The following OSBP2 variants were observed in gnomAD, a reference collection of about 807,000 sequenced individuals.
OSBP2 encodes the protein oxysterol-binding protein 2.
Under a neutral mutation model 96.0 loss-of-function variants are expected in OSBP2, and 66 were observed. The ratio of observed to expected loss-of-function variants is 0.69; its 90% confidence interval spans 0.56 to 0.84. The LOEUF is 0.84. Ranked by LOEUF, OSBP2 falls within the 40% of genes least tolerant of loss-of-function variation. The pLI is 0.00. For synonymous variants in OSBP2, 525 were observed against 520.9 expected (o/e 1.01, Z -0.11); for missense variants, 1,038 against 1,222.7 (o/e 0.85, Z 2.25).
chr22:30,815,118 CA>C lies in OSBP2; in HGVS notation c.854-55304del, dbSNP rs1331099878. On this transcript the variant is annotated intron_variant, in intron 2 of 13. Coordinates refer to ENST00000332585, the MANE Select transcript of OSBP2 (RefSeq NM_030758.4). ...GCAACGTGGTGAAACCCCATCTCTA[CA>C]AAAAAATGCAAAACTTAGCCAGGCA... Among the ~76,000 whole-genome samples, 3 of 152,168 alleles carry C rather than the reference CA, an allele frequency of 2.0e-5. No individual in the cohort carries two copies. In the East Asian group the frequency reaches 5.8e-4, roughly 30 times the overall value.
intron 2 of OSBP2, among the ~76,000 whole-genome samples, chr22:30,825,494 C>G (rs369200123): frequency 6.6e-6 from 1 of 152,326 alleles, no homozygotes; most frequent in African/African-American, 2.4e-5. Flanking sequence ...GTATCTGTGT[C>G]TCTGTGTGCT....
intron 2 of OSBP2, among the ~76,000 whole-genome samples, chr22:30,838,673 A>G (rs2038684013): frequency 6.6e-6 from 1 of 152,158 alleles, no homozygotes; most frequent in Non-Finnish European, 1.5e-5. Flanking sequence ...TTTATGACGA[A>G]GAGATGTTTA....
At chr22:30,901,865 C>G (rs5753380) in intron 12 of OSBP2, among the ~76,000 whole-genome samples, 5,745 of 151,880 alleles carry the variant, frequency 0.038, 172 homozygotes, top group East Asian at 0.12. Flanking sequence ...TCTGTCCCCC[C>G]ACAAAAAAAG....
intron 2 of OSBP2, among the ~76,000 whole-genome samples, chr22:30,806,919 C>G (rs1285621017): frequency 6.6e-6 from 1 of 152,186 alleles, no homozygotes; most frequent in Non-Finnish European, 1.5e-5. Flanking sequence ...TTTTGCTTCC[C>G]TTGACTTGAG....
At chr22:30,705,621 G>A (rs2089241174) in intron 1 of OSBP2, among the ~76,000 whole-genome samples, 1 of 152,138 alleles carries the variant, frequency 6.6e-6, no homozygotes, top group African/African-American at 2.4e-5. Flanking sequence ...CTTTGGTGGA[G>A]TGTCTGCTGT....
chr22:30,707,240 G>T (rs2089268923), intron 1 of OSBP2, among the ~76,000 whole-genome samples: 1 of 152,018 alleles, frequency 6.6e-6, no homozygotes, highest in Non-Finnish European at 1.5e-5. Flanking sequence ...GGGATTACAG[G>T]CTCTCGCTGC....
intron 1 of OSBP2, among the ~76,000 whole-genome samples, chr22:30,730,713 CCTGTCT>C (rs1275125792): frequency 1.9e-5 from 1 of 52,968 alleles, no homozygotes; most frequent in East Asian, 6.6e-4. Flanking sequence ...GATTCGCTGC[CCTGTCT>C]CTCTCTCTCT....
intron 2 of OSBP2, among the ~76,000 whole-genome samples, chr22:30,865,757 A>T (rs1452266262): frequency 6.6e-6 from 1 of 151,760 alleles, no homozygotes; most frequent in African/African-American, 2.4e-5. Context: ...CTGGCCACAC[A>T]CCGGGTGGTT....
At chr22:30,865,301 G>C (rs1338265765) in intron 2 of OSBP2, among the ~76,000 whole-genome samples, 1 of 152,096 alleles carries the variant, frequency 6.6e-6, no homozygotes, top group East Asian at 1.9e-4. Flanking sequence ...GCCTCCCCTG[G>C]TTCCGAGCCT....
In OSBP2 at chr22:30,905,879, G is replaced by C. The variant is rs2040323255; in HGVS notation, c.2418G>C (p.Leu806=). 6.2e-7 allele frequency: 1 copy of C among 1,613,338 alleles called. No individual in the cohort carries two copies. The highest frequency in any genetic ancestry group is 1.3e-5 in the African/African-American group (1 of 74,938). The change falls in exon 13 of 14, where the codon CTG becomes CTC. Residue 806 remains leucine, a synonymous_variant. Coordinates refer to ENST00000332585, the MANE Select transcript of OSBP2 (RefSeq NM_030758.4). Reference sequence around the variant, plus strand: ...TGTACTACTTCTCAGAGCTGGCCCTGACCCTCAACGAGCACGAGGAGGGCG... The same window carrying C: ...TGTACTACTTCTCAGAGCTGGCCCTCACCCTCAACGAGCACGAGGAGGGCG... The part of the protein sequence containing the change: ...ENMYYFSELA[L]TLNEHEEGVA...
At chr22:30,724,579 CA>C (rs1419759906) in intron 1 of OSBP2, among the ~76,000 whole-genome samples, 1 of 152,174 alleles carries the variant, frequency 6.6e-6, no homozygotes, top group Non-Finnish European at 1.5e-5. Flanking sequence ...AATAATATTT[CA>C]TTGTCTAGAT....
intron 2 of OSBP2, among the ~76,000 whole-genome samples, chr22:30,813,129 A>T (rs2091031858): frequency 7.1e-6 from 1 of 140,964 alleles, no homozygotes; most frequent in Non-Finnish European, 1.5e-5. Context: ...GTTTTTTAGT[A>T]GTAGGGGGAA....
At chr22:30,726,894 T>A (rs2089660704) in intron 1 of OSBP2, among the ~76,000 whole-genome samples, 1 of 152,196 alleles carries the variant, frequency 6.6e-6, no homozygotes, top group Non-Finnish European at 1.5e-5. Context: ...GAGGCTTCTA[T>A]TTGATGGGCA....
At chr22:30,828,013 G>T (rs1431562450) in intron 2 of OSBP2, among the ~76,000 whole-genome samples, 2 of 152,146 alleles carry the variant, frequency 1.3e-5, no homozygotes, top group Non-Finnish European at 2.9e-5. Flanking sequence ...GAAGGCTATG[G>T]CCTGGGGACC....
chr22:30,902,345 G>C, intron 12 of OSBP2: 1 of 1,586,076 alleles, frequency 6.3e-7, no homozygotes, highest in Non-Finnish European at 8.6e-7. Flanking sequence ...TAAATTTAAA[G>C]GATTCTGCTA....
chr22:30,711,270 GT>G (rs1052045813), intron 1 of OSBP2, among the ~76,000 whole-genome samples: 5 of 151,022 alleles, frequency 3.3e-5, no homozygotes, highest in Admixed American at 6.6e-5. Context: ...TCTATATTTT[GT>G]TTTATACAGA....
chr22:30,867,759 A>T (rs967661357), intron 2 of OSBP2, among the ~76,000 whole-genome samples: 1 of 152,210 alleles, frequency 6.6e-6, no homozygotes, highest in Non-Finnish European at 1.5e-5. Context: ...ACCTGCTTCC[A>T]CCTGCCACAC....
intron 1 of OSBP2, among the ~76,000 whole-genome samples, chr22:30,732,320 A>C (rs2089793214): frequency 6.6e-6 from 1 of 152,116 alleles, no homozygotes; most frequent in Non-Finnish European, 1.5e-5. Flanking sequence ...ATAAATAAAT[A>C]AATAAAAATA....
At chr22:30,785,295 A>G in intron 2 of OSBP2, among the ~76,000 whole-genome samples, 1 of 151,970 alleles carries the variant, frequency 6.6e-6, no homozygotes, top group East Asian at 1.9e-4. Flanking sequence ...CCGGCCCGGC[A>G]CAGTGGCTTA....
Sources: allele counts gnomAD v4.1 joint callset (sites outside exome capture counted in the v4.1 genomes callset), GRCh38; gene constraint gnomAD v4.1.1; transcripts MANE v1.5; gene names NCBI Gene and HGNC (gene_info 2026-07-23, HGNC 2026-07-21).